The following PCDHGA1 variants were observed in gnomAD, a reference collection of about 807,000 sequenced individuals.
PCDHGA1 encodes the protein protocadherin gamma-A1.
PCDHGA1 carries 32 observed loss-of-function variants against 58.0 expected under a neutral mutation model. The observed-to-expected ratio is 0.55, with a 90% confidence interval of 0.42 to 0.74. The LOEUF is 0.74. PCDHGA1 is among the 30% of genes least tolerant of loss of function. The pLI, the probability that PCDHGA1 is intolerant of heterozygous loss-of-function variation, is 0.00. For synonymous variants in PCDHGA1, 498 were observed against 501.1 expected (o/e 0.99, Z 0.08); for missense variants, 1,205 against 1,182.3 (o/e 1.02, Z -0.28).
intron 1 of PCDHGA1, chr5:141,441,799 G>C (rs546770596): frequency 2.6e-6 from 1 of 385,350 alleles, no homozygotes; most frequent in Non-Finnish European, 5.2e-6. Context: ...AACGCACCGC[G>C]GGTGCTGTAC....
At chr5:141,355,020 C>A in intron 1 of PCDHGA1, 1 of 892,726 alleles carries the variant, frequency 1.1e-6, no homozygotes, top group Non-Finnish European at 1.6e-6. Context: ...GAAATTTAAT[C>A]AGAATCACAA....
At chr5:141,371,425 C>A in intron 1 of PCDHGA1, 1 of 1,613,882 alleles carries the variant, frequency 6.2e-7, no homozygotes, top group Non-Finnish European at 8.5e-7. Flanking sequence ...AATGACAATG[C>A]CCCGGAGATA....
intron 1 of PCDHGA1, chr5:141,421,154 G>A: frequency 8.7e-7 from 1 of 1,151,318 alleles, no homozygotes; most frequent in South Asian, 1.6e-5. Flanking sequence ...GTCGGCCTAG[G>A]ACTTCATAGA....
At position 141,415,600 on chromosome 5, in the gene PCDHGA1, C is replaced by G. The variant is rs778987183; in HGVS notation, c.2422-79207C>G. ...TTCGAAGTTTCCTATAGAGGATACC[C>G]CATTGGTTCCAGTGAGTTTTATTTT... On this transcript the variant is annotated intron_variant, in intron 1 of 3. Coordinates refer to ENST00000517417, the MANE Select transcript of PCDHGA1 (RefSeq NM_018912.3). 24 of 1,613,588 alleles carry G rather than the reference C, an allele frequency of 1.5e-5. No individual in the cohort carries two copies. In the Middle Eastern group the frequency reaches 1.2e-3, roughly 77 times the overall value.
intron 1 of PCDHGA1, chr5:141,345,237 T>C: frequency 6.2e-7 from 1 of 1,613,916 alleles, no homozygotes; most frequent in Non-Finnish European, 8.5e-7. Context: ...AGATCAATAT[T>C]ACCGCTTAGT....
At position 141,356,332 on chromosome 5, in the gene PCDHGA1, G is replaced by A; in HGVS notation, c.2421+23227G>A. The A allele has an allele frequency of 6.4e-7, 1 of 1,554,428 alleles. No homozygotes were observed. Among genetic ancestry groups the A allele is most frequent in the African/African-American group, 1.4e-5 (1 of 73,232 alleles). ...CAACGTGCATGACAGTGACTCAGGAGGAAATGGCCTAGTCACATGTTCTAT... is the reference window on the plus strand; with the variant it reads ...CAACGTGCATGACAGTGACTCAGGAAGAAATGGCCTAGTCACATGTTCTAT... On this transcript the variant is annotated intron_variant, in intron 1 of 3. Coordinates refer to ENST00000517417, the MANE Select transcript of PCDHGA1 (RefSeq NM_018912.3).
intron 1 of PCDHGA1, among the ~76,000 whole-genome samples, chr5:141,472,213 C>T (rs1294676431): frequency 2.0e-5 from 3 of 152,178 alleles, no homozygotes; most frequent in African/African-American, 7.2e-5. Flanking sequence ...TAAGACCTTA[C>T]TCTCGATCAT....
At chr5:141,366,306 C>T (rs762823069) in intron 1 of PCDHGA1, 63 of 1,613,658 alleles carry the variant, frequency 3.9e-5, no homozygotes, top group Non-Finnish European at 4.7e-5. Context: ...GCCACCTTCA[C>T]GGTCACCGTT....
chr5:141,407,989 T>G, intron 1 of PCDHGA1: 1 of 833,618 alleles, frequency 1.2e-6, no homozygotes, highest in Non-Finnish European at 1.8e-6. Flanking sequence ...TCCGTCAGCC[T>G]CTGGCCTGGG....
Position 141,489,322 on chromosome 5 carries a change from T to G in PCDHGA1, c.2422-5485T>G. 1.9e-6 allele frequency: 3 copies of G among 1,601,052 alleles called. No homozygotes were observed. The highest frequency in any genetic ancestry group is 2.2e-5 in the East Asian group (1 of 44,726). On this transcript the variant is annotated intron_variant, in intron 1 of 3. Transcript: ENST00000517417. This position sits in a 1 kb window ranked among gnomAD's most constrained non-coding sequence, Gnocchi z 4.5. The stretch of plus-strand genomic sequence containing the variant: ...GTCCTTGTGCTGCTGGGGCTGGGTG[T>G]CTGGGCAGCTTCGTTACTCAGTGGT...
intron 1 of PCDHGA1, chr5:141,416,359 A>G (rs1215806118): frequency 6.6e-6 from 1 of 152,228 alleles, no homozygotes; most frequent in Non-Finnish European, 1.5e-5. Flanking sequence ...TGAGGAGGCT[A>G]TAGAGGGTGA....
intron 1 of PCDHGA1, chr5:141,414,717 C>T: frequency 6.2e-7 from 1 of 1,614,152 alleles, no homozygotes; most frequent in Non-Finnish European, 8.5e-7. Flanking sequence ...TCAACTCAGA[C>T]ACTGGCGTCC....
rs146243220 is a variant in PCDHGA1 at position 141,351,894 on chromosome 5, G to C, written c.2421+18789G>C. 8.0e-4 allele frequency: 1,286 copies of C among 1,613,426 alleles called. 8 individuals are homozygous for C. In the South Asian group the frequency reaches 8.1e-3, roughly 10 times the overall value. ...GCGCTCAGCGCCAACGTGAGCCTGCGCGTGTTGGTGGGCGACCTCAATGAC... is the reference window on the plus strand; with the variant it reads ...GCGCTCAGCGCCAACGTGAGCCTGCCCGTGTTGGTGGGCGACCTCAATGAC... On this transcript the variant is annotated intron_variant, in intron 1 of 3. Transcript: ENST00000517417.
In PCDHGA1 at chr5:141,490,951, T is replaced by C. The variant is rs778168052; in HGVS notation, c.2422-3856T>C. 20 of 1,613,640 alleles carry C rather than the reference T, an allele frequency of 1.2e-5. No homozygotes were observed. Among genetic ancestry groups the C allele is most frequent in the Middle Eastern group, 1.6e-4 (1 of 6,084 alleles). On this transcript the variant is annotated intron_variant, in intron 1 of 3. Coordinates refer to ENST00000517417, the MANE Select transcript of PCDHGA1 (RefSeq NM_018912.3). This position sits in a 1 kb window ranked among gnomAD's most constrained non-coding sequence, Gnocchi z 5.4. The stretch of plus-strand genomic sequence containing the variant: ...AGCTGTGCTGCACCCACGGCCAGAC[T>C]GGGAACACTCAGCCCCCCAGCGTCT...
intron 1 of PCDHGA1, chr5:141,391,737 T>C (rs1050956818): frequency 6.6e-6 from 1 of 152,224 alleles, no homozygotes; most frequent in Non-Finnish European, 1.5e-5. Context: ...TTTGTAGTCA[T>C]ACTTATCCTT....
chr5:141,419,551 C>T lies in PCDHGA1; in HGVS notation c.2422-75256C>T, dbSNP rs772468979. Reference sequence around the variant, plus strand: ...ACGACAACGCACCGCGGGTGCTGTACCCTGCGCTGGGTCCCGACGGCTCCG... The same window carrying T: ...ACGACAACGCACCGCGGGTGCTGTATCCTGCGCTGGGTCCCGACGGCTCCG... On this transcript the variant is annotated intron_variant, in intron 1 of 3. Transcript: ENST00000517417. 7 of 1,611,916 alleles carry T rather than the reference C, an allele frequency of 4.3e-6. No individual in the cohort carries two copies. The Admixed American group carries it at 1.2e-4, about 27-fold the overall frequency.
At chr5:141,435,902 A>G (rs896786345) in intron 1 of PCDHGA1, among the ~76,000 whole-genome samples, 1 of 152,194 alleles carries the variant, frequency 6.6e-6, no homozygotes, top group Non-Finnish European at 1.5e-5. Flanking sequence ...AATGAAAGAC[A>G]TCCAAGGGCT....
At chr5:141,336,526 G>A (rs62378405) in intron 1 of PCDHGA1, among the ~76,000 whole-genome samples, 19,525 of 152,190 alleles carry the variant, frequency 0.13, 1,418 homozygotes, top group Non-Finnish European at 0.16. Context: ...ATTTCAATAA[G>A]GAAGGAGCCA....
intron 1 of PCDHGA1, among the ~76,000 whole-genome samples, chr5:141,457,015 A>T (rs1216403373): frequency 6.6e-6 from 1 of 152,182 alleles, no homozygotes; most frequent in Admixed American, 6.5e-5. Context: ...AATCCAATAA[A>T]AAGTCCTAGT....
Sources: allele counts gnomAD v4.1 joint callset (sites outside exome capture counted in the v4.1 genomes callset), GRCh38; gene constraint gnomAD v4.1.1; non-coding constraint Gnocchi (gnomAD v3.1); transcripts MANE v1.5; gene names NCBI Gene and HGNC (gene_info 2026-07-23, HGNC 2026-07-21).